The following ADAM23 variants were observed in gnomAD, a reference collection of about 807,000 sequenced individuals.
The protein encoded by ADAM23 is disintegrin and metalloproteinase domain-containing protein 23.
A neutral mutation model predicts 120.1 loss-of-function variants in ADAM23; 33 were observed. The ratio of observed to expected loss-of-function variants is 0.27; its 90% CI spans 0.21 to 0.37. The LOEUF (loss-of-function observed/expected upper bound fraction) is 0.37, where lower values mean the gene tolerates loss of function less well. ADAM23 is among the 10% of genes least tolerant of loss of function. The pLI is 1.00. For synonymous variants in ADAM23, 367 were observed against 375.2 expected (o/e 0.98, Z 0.25); for missense variants, 862 against 1,058.2 (o/e 0.81, Z 2.57).
intron 25 of ADAM23, among the ~76,000 whole-genome samples, chr2:206,615,394 G>C (rs1372479203): frequency 1.3e-5 from 2 of 152,230 alleles, no homozygotes; most frequent in Non-Finnish European, 1.5e-5. Context: ...GCAAGGACCT[G>C]CCCGCAGTAG....
rs1444838784 is a variant in ADAM23, at chr2:206,523,981, A to AT, written c.510-6902dup. Among the ~76,000 whole-genome samples, 8 of 152,248 alleles carry AT rather than the reference A, an allele frequency of 5.3e-5. No homozygotes were observed. The South Asian group carries it at 1.7e-3, about 32-fold the overall frequency. Reference sequence around the variant, plus strand: ...CTCCGCAGTGACAGCATTGGTTGTCATTAAATGAATGAAATGTGTACCTGG... The same window carrying AT: ...CTCCGCAGTGACAGCATTGGTTGTCATTTAAATGAATGAAATGTGTACCTGG... On this transcript the variant is annotated intron_variant, in intron 3 of 25. Transcript: ENST00000264377.
chr2:206,558,978 T>C (rs1286509754), intron 10 of ADAM23, among the ~76,000 whole-genome samples: 1 of 152,160 alleles, frequency 6.6e-6, no homozygotes, highest in Non-Finnish European at 1.5e-5. Flanking sequence ...AGAGTCTTGC[T>C]CTGTTGCCCA....
chr2:206,469,062 A>C (rs994121265), intron 2 of ADAM23, among the ~76,000 whole-genome samples: 3 of 152,192 alleles, frequency 2.0e-5, no homozygotes, highest in African/African-American at 7.2e-5. Flanking sequence ...CTCTTGATCA[A>C]ATCCTCATGA....
At chr2:206,594,087 A>G (rs899658203) in intron 22 of ADAM23, among the ~76,000 whole-genome samples, 3 of 151,986 alleles carry the variant, frequency 2.0e-5, no homozygotes, top group African/African-American at 7.2e-5. Context: ...CCCAGGAGCA[A>G]TAGACTAGAC....
intron 25 of ADAM23, 52 bp downstream of exon 25, chr2:206,610,052 T>C: frequency 6.9e-7 from 1 of 1,447,376 alleles, no homozygotes; most frequent in South Asian, 1.4e-5. Context: ...TTCTCTTTTC[T>C]GCTTACATAA....
At chr2:206,608,276 A>G (rs889656429) in intron 24 of ADAM23, among the ~76,000 whole-genome samples, 15 of 152,150 alleles carry the variant, frequency 9.9e-5, no homozygotes, top group African/African-American at 3.6e-4. Flanking sequence ...CTTTTTTGCA[A>G]AAGCAGACAG....
At chr2:206,550,804 C>T (rs1422347384) in intron 9 of ADAM23, among the ~76,000 whole-genome samples, 3 of 152,056 alleles carry the variant, frequency 2.0e-5, no homozygotes, top group Admixed American at 6.5e-5. Context: ...GGTTTCACCG[C>T]CTTAGCGAGG....
chr2:206,507,894 C>G (rs1696527982), intron 3 of ADAM23, among the ~76,000 whole-genome samples: 1 of 152,098 alleles, frequency 6.6e-6, no homozygotes, highest in Non-Finnish European at 1.5e-5. Context: ...GATTATAGAG[C>G]ACAGATCTGC....
At chr2:206,571,337 C>T (rs932902573) in intron 16 of ADAM23, among the ~76,000 whole-genome samples, 9 of 151,834 alleles carry the variant, frequency 5.9e-5, no homozygotes, top group Non-Finnish European at 8.8e-5. Flanking sequence ...TAGCCGGGCG[C>T]GGTGGCGGGC....
intron 3 of ADAM23, among the ~76,000 whole-genome samples, chr2:206,505,441 A>C (rs1048021945): frequency 6.6e-6 from 1 of 152,194 alleles, no homozygotes; most frequent in African/African-American, 2.4e-5. Context: ...TTTATGGAGA[A>C]AAGAGGTTTA....
chr2:206,451,303 G>A lies in ADAM23; in HGVS notation c.432+5779G>A, dbSNP rs560268798. On this transcript the variant is annotated intron_variant, in intron 2 of 25. Coordinates refer to ENST00000264377, the MANE Select transcript of ADAM23 (RefSeq NM_003812.4). ...TGCCCAGGCTGTAGTGCAATGGCAC[G>A]ACCTTGGCTCACTGCAGTCTCTGCC... Among the ~76,000 whole-genome samples the A allele has an allele frequency of 1.2e-4, 19 of 152,268 alleles. No homozygotes were observed. In the South Asian group the frequency reaches 3.1e-3, roughly 25 times the overall value.
rs1044561879 is a variant in ADAM23 at position 206,528,528 on chromosome 2, A to G, written c.510-2357A>G. ...GGAAAGGTTGTCCTTCATCACACAC[A>G]GGACATACGCAGGACATACCCAGGA... On this transcript the variant is annotated intron_variant, in intron 3 of 25. Coordinates refer to ENST00000264377, the MANE Select transcript of ADAM23 (RefSeq NM_003812.4). 3.9e-5 allele frequency among the ~76,000 whole-genome samples: 6 copies of G among 152,232 alleles called. No individual in the cohort carries two copies. In the South Asian group the frequency reaches 8.3e-4, roughly 21 times the overall value.
chr2:206,459,591 T>G (rs917344500), intron 2 of ADAM23, among the ~76,000 whole-genome samples: 1 of 152,240 alleles, frequency 6.6e-6, no homozygotes, highest in African/African-American at 2.4e-5. Flanking sequence ...TTGAGAATCT[T>G]TGTTCTTTCA....
chr2:206,584,046 G>T (rs1395626728), intron 18 of ADAM23, among the ~76,000 whole-genome samples: 1 of 152,120 alleles, frequency 6.6e-6, no homozygotes, highest in Non-Finnish European at 1.5e-5. Flanking sequence ...TTGTCCCACG[G>T]GTGTTCCCTT....
At position 206,621,081 on chromosome 2, in the gene ADAM23, T is replaced by C. The variant is rs984704418; in HGVS notation, c.*3454T>C. On this transcript the variant is annotated 3_prime_UTR_variant, in exon 26 of 26. Coordinates refer to ENST00000264377, the MANE Select transcript of ADAM23 (RefSeq NM_003812.4). ...CTATGAATGGAGATTCAGTAGTCAT[T>C]GTATGCATCTTTAAGTCAAATGTGT... The C allele has an allele frequency of 6.6e-6, 1 of 152,228 alleles. No individual in the cohort carries two copies. Among genetic ancestry groups the C allele is most frequent in the African/African-American group, 2.4e-5 (1 of 41,464 alleles). 9.4% of individuals were successfully genotyped at this position (152,228 alleles called of 1,614,324 possible).
chr2:206,502,968 C>T (rs936008589), intron 3 of ADAM23, among the ~76,000 whole-genome samples: 2 of 152,142 alleles, frequency 1.3e-5, no homozygotes, highest in African/African-American at 4.8e-5. Context: ...TCCACAACCA[C>T]AAGCCATATT....
intron 25 of ADAM23, 119 bp downstream of exon 25, chr2:206,610,119 A>G (rs1443973184): frequency 2.4e-6 from 2 of 851,026 alleles, no homozygotes; most frequent in African/African-American, 1.8e-5. Flanking sequence ...ACTGCAAAAA[A>G]TAAGTCTTTT....
intron 18 of ADAM23, among the ~76,000 whole-genome samples, chr2:206,577,136 A>C (rs1698130586): frequency 6.6e-6 from 1 of 152,140 alleles, no homozygotes; most frequent in South Asian, 2.1e-4. Context: ...TACATTCCCT[A>C]ATTTCCCTCG....
chr2:206,575,772 A>G (rs573366352), intron 18 of ADAM23, among the ~76,000 whole-genome samples: 1 of 152,276 alleles, frequency 6.6e-6, no homozygotes, highest in East Asian at 1.9e-4. Flanking sequence ...TGGAAAATGC[A>G]TGGTTTATGT....
Sources: allele counts gnomAD v4.1 joint callset (sites outside exome capture counted in the v4.1 genomes callset), GRCh38; gene constraint gnomAD v4.1.1; transcripts MANE v1.5; gene names NCBI Gene and HGNC (gene_info 2026-07-23, HGNC 2026-07-21).